The following CR1 variants were observed in gnomAD, a reference collection of about 807,000 sequenced individuals.
CR1 encodes the protein complement C3b/C4b receptor 1 (Knops blood group), also known as complement receptor type 1.
CR1 carries 116 observed loss-of-function variants against 187.3 expected under a neutral mutation model. That is an observed-to-expected ratio of 0.62 (90% confidence interval 0.53 to 0.72). CR1 has a LOEUF of 0.72. Among genes scored for constraint, CR1 ranks in the 30% least tolerant of loss-of-function variants. CR1 has a pLI of 0.00. For missense variants in CR1, 1,731 were observed against 2,110.7 expected (o/e 0.82, Z 3.52); for synonymous variants, 576 against 747.1 (o/e 0.77, Z 3.73).
In CR1 at chr1:207,580,342, A is replaced by G; in HGVS notation, c.5039A>G (p.Tyr1680Cys). Residue 1680 changes from tyrosine (Y) to cysteine (C), a missense_variant, in exon 30 of 47, where the codon TAT becomes TGT. Coordinates refer to ENST00000367049, the MANE Select transcript of CR1 (RefSeq NM_000651.6). ...GTGTTCTACAGCTGTGAGCCTGGCTATGACCTCAGAGGGGCTGCGTCTCTG... is the reference window on the plus strand; with the variant it reads ...GTGTTCTACAGCTGTGAGCCTGGCTGTGACCTCAGAGGGGCTGCGTCTCTG... ...QEVFYSCEPGYDLRGAASLHC... is the reference protein window; with the variant it reads ...QEVFYSCEPGCDLRGAASLHC... The G allele has an allele frequency of 1.9e-6, 3 of 1,613,924 alleles. No homozygotes were observed. Among genetic ancestry groups the G allele is most frequent in the Middle Eastern group, 1.6e-4 (1 of 6,062 alleles).
At chr1:207,502,034 G>A (rs1345871791) in intron 1 of CR1, among the ~76,000 whole-genome samples, 5 of 151,958 alleles carry the variant, frequency 3.3e-5, no homozygotes, top group Non-Finnish European at 1.5e-5. Context: ...AGATTTGGGG[G>A]ACATAGCTTG....
chr1:207,520,968 GTTTTTTTTTTTTTT>G lies in CR1; in HGVS notation c.488-2631_488-2618del, dbSNP rs141546660. Among the ~76,000 whole-genome samples the G allele has an allele frequency of 3.1e-4, 14 of 44,574 alleles. No homozygotes were observed. In the East Asian group the frequency reaches 9.3e-3, roughly 30 times the overall value. 29.2% of individuals were successfully genotyped at this position (44,574 alleles called of 152,430 possible). On this transcript the variant is annotated intron_variant, in intron 4 of 46. Transcript: ENST00000367049. ...TTTGCACATTTTTTTTTTTTTGGTT[GTTTTTTTTTTTTTT>G]TTTTTTTTTTTGACAGAATTTCACT... is the stretch of plus-strand genomic sequence containing the variant.
intron 35 of CR1, among the ~76,000 whole-genome samples, chr1:207,589,838 C>T (rs569723754): frequency 3.9e-5 from 6 of 152,044 alleles, no homozygotes; most frequent in East Asian, 1.9e-4. Context: ...TATCAATAGC[C>T]GAATCGATCA....
intron 35 of CR1, among the ~76,000 whole-genome samples, chr1:207,592,824 G>C (rs1441802637): frequency 4.6e-5 from 7 of 152,084 alleles, no homozygotes; most frequent in Non-Finnish European, 7.4e-5. Flanking sequence ...GCCAAATCAT[G>C]AGTGAACTCC....
Position 207,621,871 on chromosome 1 carries a change from A to C in CR1, c.7253-102A>C, listed in dbSNP as rs1662323616. 1.7e-5 allele frequency: 15 copies of C among 860,036 alleles called. No homozygotes were observed. The South Asian group carries it at 2.9e-4, about 17-fold the overall frequency. 53.3% of individuals were successfully genotyped at this position (860,036 alleles called of 1,614,324 possible). ...TTGCATTAGAAAAAATATTAGACTG[A>C]GTCCTGAAGAAAAATCAGGATGACT... On this transcript the variant is annotated intron_variant, in intron 43 of 46. Coordinates refer to ENST00000367049, the MANE Select transcript of CR1 (RefSeq NM_000651.6).
At chr1:207,605,926 C>A (rs1661737761) in intron 35 of CR1, 1 of 152,190 alleles carries the variant, frequency 6.6e-6, no homozygotes, top group African/African-American at 2.4e-5. Context: ...TCACACAGTT[C>A]CCTTTAGCTT....
At chr1:207,592,936 G>T (rs1016431803) in intron 35 of CR1, among the ~76,000 whole-genome samples, 23 of 151,958 alleles carry the variant, frequency 1.5e-4, no homozygotes, top group African/African-American at 5.3e-4. Flanking sequence ...GCTCAAGGAA[G>T]TAAGCGAGGA....
At chr1:207,518,134 A>G (rs1659860793) in intron 4 of CR1, among the ~76,000 whole-genome samples, 1 of 152,110 alleles carries the variant, frequency 6.6e-6, no homozygotes, top group Non-Finnish European at 1.5e-5. Context: ...ATTTCCAACA[A>G]TCTTTATATT....
intron 4 of CR1, among the ~76,000 whole-genome samples, chr1:207,521,465 G>A (rs1384275064): frequency 1.3e-5 from 2 of 151,566 alleles, no homozygotes; most frequent in Non-Finnish European, 2.9e-5. Flanking sequence ...TTTATATATT[G>A]GTGCTTGGTT....
chr1:207,625,859 C>G (rs369253967), intron 45 of CR1, among the ~76,000 whole-genome samples: 210 of 152,284 alleles, frequency 1.4e-3, no homozygotes, highest in African/African-American at 4.5e-3. Flanking sequence ...GAAGACCAAT[C>G]TTATATTCTA....
intron 1 of CR1, among the ~76,000 whole-genome samples, chr1:207,504,780 C>A (rs1659378446): frequency 6.6e-6 from 1 of 152,106 alleles, no homozygotes. Flanking sequence ...TAAAAAGGAG[C>A]CCATTTCTGA....
intron 4 of CR1, among the ~76,000 whole-genome samples, chr1:207,521,965 C>T (rs1175488892): frequency 6.6e-6 from 1 of 151,848 alleles, no homozygotes; most frequent in Non-Finnish European, 1.5e-5. Context: ...CACCACATCC[C>T]ACCCTGTTCT....
rs41274762 is a variant in CR1, at chr1:207,567,900, A to G, written c.4029A>G (p.Gly1343=). 1.2e-3 allele frequency: 1,961 copies of G among 1,606,214 alleles called. 204 individuals carry two copies. The African/African-American group carries it at 0.023, about 19-fold the overall frequency. The change falls in exon 25 of 47, where the codon GGA becomes GGG. Residue 1343 remains glycine (G), a synonymous_variant. Coordinates refer to ENST00000367049, the MANE Select transcript of CR1 (RefSeq NM_000651.6). ...TGKPLEVFPF[G]KAVNYTCDPH... is the part of the protein sequence containing the mutation. Reference sequence around the variant, plus strand: ...AACCTCTGGAAGTCTTTCCCTTTGGAAAAGCAGTAAATTACACATGCGACC... The same window carrying G: ...AACCTCTGGAAGTCTTTCCCTTTGGGAAAGCAGTAAATTACACATGCGACC...
intron 39 of CR1, among the ~76,000 whole-genome samples, chr1:207,614,127 T>C (rs1408522974): frequency 7.9e-5 from 12 of 152,182 alleles, no homozygotes; most frequent in Non-Finnish European, 2.9e-5. Context: ...GATGCTGGGC[T>C]ATGAAGTTTA....
intron 36 of CR1, among the ~76,000 whole-genome samples, chr1:207,608,649 C>T (rs1159117099): frequency 3.3e-5 from 5 of 152,120 alleles, no homozygotes; most frequent in Middle Eastern, 3.2e-3. Context: ...GTTTACTATA[C>T]AAAGTTTTCA....
intron 35 of CR1, among the ~76,000 whole-genome samples, chr1:207,603,871 G>A: frequency 6.6e-6 from 1 of 152,016 alleles, no homozygotes; most frequent in East Asian, 1.9e-4. Flanking sequence ...ATGAGATGAG[G>A]ACTTCACTAA....
At chr1:207,638,666 T>C (rs1354635058) in intron 46 of CR1, among the ~76,000 whole-genome samples, 3 of 152,240 alleles carry the variant, frequency 2.0e-5, no homozygotes, top group Non-Finnish European at 4.4e-5. Flanking sequence ...GGAGTAATAA[T>C]TGCGCAATCC....
chr1:207,630,528 A>G lies in CR1; in HGVS notation c.7364A>G (p.His2455Arg), dbSNP rs1214037809. ...TCTCTGCCAATTAGCAATAATGCAC[A>G]TGAAAACCCTAAAGAAGTGGCTATC... ...ILKHRKGNNA[H>R]ENPKEVAIHL... Residue 2455 changes from histidine (H) to arginine (R), a missense_variant, in exon 46 of 47, where the codon CAT becomes CGT. Around this residue, in one of 5 missense-constraint regions of CR1, gnomAD observed 1,312 missense variants for 1,379.6 expected, o/e 0.95. Transcript: ENST00000367049. The G allele has an allele frequency of 4.4e-6, 7 of 1,604,436 alleles. No individual in the cohort carries two copies. Among genetic ancestry groups the G allele is most frequent in the Non-Finnish European group, 6.0e-6 (7 of 1,176,202 alleles).
rs56044498 is a variant in CR1 at position 207,498,877 on chromosome 1, C to CAA, written c.121+2504_121+2505dup. On this transcript the variant is annotated intron_variant, in intron 1 of 46. Transcript: ENST00000367049. ...TGGGTGACAGAGCGCAACTCCAAATCAAAAAAAAAAAAAAAAGAAACAAAC... is the reference window on the plus strand; with the variant it reads ...TGGGTGACAGAGCGCAACTCCAAATCAAAAAAAAAAAAAAAAAAGAAACAAAC... 2.5e-3 allele frequency among the ~76,000 whole-genome samples: 126 copies of CAA among 50,106 alleles called. 9 individuals carry two copies. The highest frequency in any genetic ancestry group is 4.4e-3 in the East Asian group (4 of 916). 32.9% of individuals were successfully genotyped at this position (50,106 alleles called of 152,430 possible).
Sources: gnomAD v4.1 joint callset for allele counts (sites outside exome capture counted in the v4.1 genomes callset) on GRCh38, gnomAD v4.1.1 for gene constraint, gnomAD v4.1.1 regional missense constraint, MANE v1.5 for transcripts, NCBI Gene and HGNC (gene_info 2026-07-23, HGNC 2026-07-21) for gene names.